SHISA9: variants seen among roughly 807,000 people sequenced by gnomAD.
SHISA9 encodes the protein protein shisa-9.
Under a neutral mutation model 38.0 loss-of-function variants are expected in SHISA9, and 13 were observed. The ratio of observed to expected loss-of-function variants is 0.34; its 90% CI spans 0.22 to 0.54. SHISA9 has a LOEUF of 0.54. SHISA9 is among the 20% of genes least tolerant of loss of function. SHISA9 has a pLI of 0.91. For missense variants in SHISA9, 538 were observed against 575.8 expected (o/e 0.93, Z 0.67); for synonymous variants, 275 against 242.0 (o/e 1.14, Z -1.27).
the SHISA9 span, among the ~76,000 whole-genome samples, chr16:13,252,493 A>AC: frequency 6.6e-6 from 1 of 151,740 alleles, no homozygotes; most frequent in African/African-American, 2.4e-5. Flanking sequence ...AGGGTGAGAA[A>AC]CCCCCAGGAC....
intron 2 of SHISA9, among the ~76,000 whole-genome samples, chr16:13,008,127 C>T (rs1168417581): frequency 2.0e-5 from 3 of 152,130 alleles, no homozygotes; most frequent in Non-Finnish European, 4.4e-5. Context: ...GGGTAAATAA[C>T]AGGTTAAAAA....
the SHISA9 span, among the ~76,000 whole-genome samples, chr16:13,527,108 C>T: frequency 2.6e-5 from 4 of 152,186 alleles, no homozygotes; most frequent in African/African-American, 9.7e-5. Context: ...GTACCTAATA[C>T]TATAACCTGC....
At chr16:12,923,108 T>C (rs754411477) in intron 2 of SHISA9, among the ~76,000 whole-genome samples, 1 of 152,132 alleles carries the variant, frequency 6.6e-6, no homozygotes, top group Non-Finnish European at 1.5e-5. Context: ...TACATTTCTG[T>C]CCAATGAATA....
the SHISA9 span, among the ~76,000 whole-genome samples, chr16:13,265,638 T>C: frequency 1.4e-5 from 2 of 143,624 alleles, no homozygotes; most frequent in Admixed American, 7.1e-5. Flanking sequence ...TTCTCTTCTC[T>C]CCTCTCCTCT....
the SHISA9 span, among the ~76,000 whole-genome samples, chr16:13,555,493 G>A: frequency 2.0e-5 from 3 of 152,178 alleles, no homozygotes; most frequent in East Asian, 5.8e-4. Context: ...GGGGTTACAT[G>A]AGAAGAAACA....
intron 2 of SHISA9, among the ~76,000 whole-genome samples, chr16:13,187,980 G>C (rs538506691): frequency 4.6e-5 from 7 of 152,120 alleles, no homozygotes; most frequent in African/African-American, 1.7e-4. Context: ...TGTAGATCAC[G>C]TTTCATCCTC....
intron 2 of SHISA9, among the ~76,000 whole-genome samples, chr16:12,955,892 A>C (rs11646457): frequency 0.19 from 29,372 of 152,148 alleles, 3,514 homozygotes; most frequent in Middle Eastern, 0.35. Flanking sequence ...GCAACAAAAC[A>C]AAAAATAGAG....
At chr16:13,519,155 G>C in the SHISA9 span, among the ~76,000 whole-genome samples, 9 of 152,128 alleles carry the variant, frequency 5.9e-5, no homozygotes, top group African/African-American at 1.9e-4. Context: ...ACTTGAGTAA[G>C]CAAAGATGCA....
chr16:12,978,221 AC>A (rs1567170757), intron 2 of SHISA9, among the ~76,000 whole-genome samples: 1 of 152,174 alleles, frequency 6.6e-6, no homozygotes. Flanking sequence ...CCAAAATGGC[AC>A]CACTGACATG....
the SHISA9 span, among the ~76,000 whole-genome samples, chr16:13,353,141 T>C: frequency 2.0e-5 from 3 of 151,848 alleles, no homozygotes; most frequent in Non-Finnish European, 4.4e-5. Flanking sequence ...CAAGCGGGAT[T>C]GGGGGCGGTG....
chr16:13,492,361 G>A, the SHISA9 span, among the ~76,000 whole-genome samples: 1 of 152,182 alleles, frequency 6.6e-6, no homozygotes, highest in Admixed American at 6.5e-5. Context: ...TTCTTGGAGA[G>A]CCTCTGGGTC....
chr16:13,068,728 A>G (rs1363800268), intron 2 of SHISA9, among the ~76,000 whole-genome samples: 1 of 152,214 alleles, frequency 6.6e-6, no homozygotes, highest in East Asian at 1.9e-4. Context: ...GTGTGTGTGT[A>G]TAAATGTGTG....
intron 2 of SHISA9, among the ~76,000 whole-genome samples, chr16:12,950,913 A>C (rs1458199205): frequency 7.1e-6 from 1 of 141,012 alleles, no homozygotes. Context: ...CGGCCCTTTT[A>C]ATTTTTTTTT....
the SHISA9 span, among the ~76,000 whole-genome samples, chr16:13,418,578 T>G: frequency 6.6e-6 from 1 of 152,166 alleles, no homozygotes; most frequent in African/African-American, 2.4e-5. Context: ...GGCGGTCTTA[T>G]GTTACTCAAC....
At chr16:13,132,494 T>A (rs1023463794) in intron 2 of SHISA9, among the ~76,000 whole-genome samples, 5 of 152,140 alleles carry the variant, frequency 3.3e-5, no homozygotes, top group African/African-American at 9.7e-5. Flanking sequence ...GTGGGGAGTG[T>A]CTTGTACATT....
chr16:13,244,883 C>T (rs1344016299), downstream of SHISA9, among the ~76,000 whole-genome samples: 2 of 152,158 alleles, frequency 1.3e-5, no homozygotes, highest in Non-Finnish European at 2.9e-5. Context: ...AGTCCCAGGT[C>T]GGTGCTAATA....
At chr16:13,013,281 C>G (rs900604150) in intron 2 of SHISA9, among the ~76,000 whole-genome samples, 1 of 152,186 alleles carries the variant, frequency 6.6e-6, no homozygotes, top group Non-Finnish European at 1.5e-5. Flanking sequence ...CTAGCTGCCA[C>G]CAGCTTCCTC....
At chr16:12,952,328 G>A (rs778438135) in intron 2 of SHISA9, among the ~76,000 whole-genome samples, 29 of 152,210 alleles carry the variant, frequency 1.9e-4, no homozygotes, top group Non-Finnish European at 3.7e-4. Flanking sequence ...CAGCCCCGTG[G>A]CACGGTCCCT....
chr16:12,928,945 A>G (rs2071428224), intron 2 of SHISA9, among the ~76,000 whole-genome samples: 2 of 152,342 alleles, frequency 1.3e-5, no homozygotes, highest in East Asian at 1.9e-4. Context: ...AGAAGTGGCT[A>G]ATTTCAGATA....
Sources: gnomAD v4.1 joint callset for allele counts (sites outside exome capture counted in the v4.1 genomes callset) on GRCh38, gnomAD v4.1.1 for gene constraint, MANE v1.5 for transcripts, NCBI Gene and HGNC (gene_info 2026-07-23, HGNC 2026-07-21) for gene names.